Variants in MTMR1 observed in about 807,000 individuals in gnomAD.
The protein encoded by MTMR1 is phosphatidylinositol-3-phosphate phosphatase MTMR1.
MTMR1 carries 17 observed loss-of-function variants against 51.6 expected under a neutral mutation model. The ratio of observed to expected loss-of-function variants is 0.33; its 90% CI spans 0.23 to 0.49. The LOEUF (loss-of-function observed/expected upper bound fraction) is 0.49, where lower values mean the gene tolerates loss of function less well. Ranked by LOEUF, MTMR1 falls within the 20% of genes least tolerant of loss-of-function variation. The probability of loss-of-function intolerance (pLI) is 0.99; values close to 1 mark genes in which losing one functional copy is unlikely to be tolerated. For synonymous variants in MTMR1, 201 were observed against 205.6 expected, an observed-to-expected ratio of 0.98 and a Z score of 0.19; for missense variants, 386 against 526.9, an observed-to-expected ratio of 0.73 and a Z score of 2.62.
chrX:150,739,219 G>A (rs1177762136), intron 12 of MTMR1, among the ~76,000 whole-genome samples: 1 of 112,778 alleles, frequency 8.9e-6, no homozygotes, highest in Non-Finnish European at 1.9e-5. Flanking sequence ...GCAGATCCCT[G>A]GGCATGTGCC....
intron 4 of MTMR1, among the ~76,000 whole-genome samples, chrX:150,722,437 C>T (rs149481225): frequency 1.3e-4 from 14 of 111,928 alleles, no homozygotes; most frequent in African/African-American, 2.9e-4. Context: ...TTCTTACATC[C>T]TCCTGACGAA....
At position 150,763,709 on chromosome X, in the gene MTMR1, G is replaced by T. The variant is rs1190505265; in HGVS notation, c.*980G>T. The T allele has an allele frequency of 8.9e-6, 1 of 111,966 alleles. No homozygotes were observed. Among genetic ancestry groups the T allele is most frequent in the Non-Finnish European group, 1.9e-5 (1 of 53,156 alleles). 9.2% of individuals were successfully genotyped at this position (111,966 alleles called of 1,213,427 possible). A position where few individuals can be genotyped will look rare whatever the true frequency, so the allele number is the denominator to read the frequency against. ...ACAATTCCTTCAACTCAGCTTACTC[G>T]CGTGGCTGCCTGTTCATATTTGAAA... On this transcript the variant is annotated 3_prime_UTR_variant, in exon 16 of 16. Coordinates refer to ENST00000445323, the MANE Select transcript of MTMR1 (RefSeq NM_001306144.3).
Position 150,738,749 on chromosome X carries a change from C to T in MTMR1, c.1473+1301C>T, listed in dbSNP as rs191848103. Among the ~76,000 whole-genome samples, 197 of 111,855 alleles carry T rather than the reference C, an allele frequency of 1.8e-3. 2 individuals carry two copies. Among genetic ancestry groups the T allele is most frequent in the Middle Eastern group, 0.014 (3 of 218 alleles). ...TTCAATGCCCTCATTTGAACTTCATCACCTCTTTAAAGGCCCCATCTCCAA... is the reference window on the plus strand; with the variant it reads ...TTCAATGCCCTCATTTGAACTTCATTACCTCTTTAAAGGCCCCATCTCCAA... On this transcript the variant is annotated intron_variant, in intron 12 of 15. Transcript: ENST00000445323.
chrX:150,757,956 C>T (rs924662796), intron 15 of MTMR1, among the ~76,000 whole-genome samples: 3 of 111,188 alleles, frequency 2.7e-5, no homozygotes, highest in African/African-American at 9.8e-5. Context: ...GATACTGCAC[C>T]GGCCTGTTTG....
chrX:150,699,264 T>C lies in MTMR1; in HGVS notation c.216T>C (p.Gly72=). The stretch of plus-strand genomic sequence containing the variant: ...CTACAATTTCTAGTCAGATTTCAGG[T>C]TCAGTGACATCAGAAAATGTGTCCA... ...IAATISSQIS[G]SVTSENVSRD... The change falls in exon 2 of 16, where the codon GGT becomes GGC. Residue 72 remains glycine (G), a synonymous_variant. Coordinates refer to ENST00000445323, the MANE Select transcript of MTMR1 (RefSeq NM_001306144.3). The C allele has an allele frequency of 1.7e-6, 2 of 1,201,200 alleles. No homozygotes were observed. Among genetic ancestry groups the C allele is most frequent in the Non-Finnish European group, 2.3e-6 (2 of 888,329 alleles).
At chrX:150,755,570 A>C (rs955372061) in intron 14 of MTMR1, 119 bp from the exon 15 acceptor site, 2 of 532,469 alleles carry the variant, frequency 3.8e-6, no homozygotes, top group Non-Finnish European at 2.9e-6. Context: ...CCTAGTAGAC[A>C]TTCATGAATT....
At chrX:150,762,447 T>G (rs1603277825) in intron 15 of MTMR1, 118 bp from the exon 16 acceptor site, 1 of 951,250 alleles carries the variant, frequency 1.1e-6, no homozygotes, top group East Asian at 3.2e-5. Flanking sequence ...CTCAGGAGAC[T>G]TTGGCCGCTC....
Position 150,742,155 on chromosome X carries a change from G to T in MTMR1, c.1474-2206G>T, listed in dbSNP as rs187291686. Among the ~76,000 whole-genome samples, 530 of 112,150 alleles carry T rather than the reference G, an allele frequency of 4.7e-3. 2 individuals are homozygous for T. The highest frequency in any genetic ancestry group is 0.016 in the African/African-American group (502 of 30,860). Reference sequence around the variant, plus strand: ...CATTCTGAGAAATGCATCATTAGGTGATTTTGTAATTGTGTGGACATCATA... The same window carrying T: ...CATTCTGAGAAATGCATCATTAGGTTATTTTGTAATTGTGTGGACATCATA... On this transcript the variant is annotated intron_variant, in intron 12 of 15. Transcript: ENST00000445323.
chrX:150,704,547 A>G (rs782044373), intron 2 of MTMR1, among the ~76,000 whole-genome samples: 1 of 111,854 alleles, frequency 8.9e-6, no homozygotes, highest in Admixed American at 9.4e-5. Context: ...TAGAGGCCGT[A>G]TCAAGGGCAA....
chrX:150,719,221 G>A (rs1056942020), intron 4 of MTMR1, among the ~76,000 whole-genome samples: 3 of 111,328 alleles, frequency 2.7e-5, no homozygotes, highest in Admixed American at 1.9e-4. Flanking sequence ...GGGAGTAGTT[G>A]ATTGTGCCAT....
Position 150,707,234 on chromosome X carries a change from G to GA in MTMR1, c.253-5102dup, listed in dbSNP as rs781972022. Among the ~76,000 whole-genome samples, 4 of 111,725 alleles carry GA rather than the reference G, an allele frequency of 3.6e-5. No individual in the cohort carries two copies. The South Asian group carries it at 1.1e-3, about 31-fold the overall frequency. ...ACACCAAAAGCACAATCCATAAAAG[G>GA]AAAAAATTGATCAAAATTTAAAATC... is the stretch of plus-strand genomic sequence containing the variant. On this transcript the variant is annotated intron_variant, in intron 2 of 15. Coordinates refer to ENST00000445323, the MANE Select transcript of MTMR1 (RefSeq NM_001306144.3).
chrX:150,703,844 A>G (rs1192655897), intron 2 of MTMR1, among the ~76,000 whole-genome samples: 1 of 108,670 alleles, frequency 9.2e-6, no homozygotes, highest in Non-Finnish European at 1.9e-5. Context: ...GCTGTAGAGA[A>G]CTGGAGAGTA....
At chrX:150,718,602 T>TTTG in intron 3 of MTMR1, 23 bp from the exon 4 acceptor site, 1 of 970,814 alleles carries the variant, frequency 1.0e-6, no homozygotes, top group Non-Finnish European at 1.3e-6. Flanking sequence ...TTTTTTTTTT[T>TTTG]TTTTTTTTTT....
intron 2 of MTMR1, among the ~76,000 whole-genome samples, chrX:150,709,102 G>T (rs1392298873): frequency 8.9e-6 from 1 of 112,245 alleles, no homozygotes; most frequent in Non-Finnish European, 1.9e-5. Context: ...TCGAAACTGA[G>T]GCCCAGAATG....
chrX:150,729,900 T>A (rs960199318), intron 6 of MTMR1, among the ~76,000 whole-genome samples: 3 of 111,157 alleles, frequency 2.7e-5, no homozygotes, highest in Non-Finnish European at 5.7e-5. Context: ...GTGCCTGTAA[T>A]CCCAGCTACT....
chrX:150,711,755 A>G (rs1176752811), intron 2 of MTMR1, among the ~76,000 whole-genome samples: 1 of 111,934 alleles, frequency 8.9e-6, no homozygotes, highest in Non-Finnish European at 1.9e-5. Flanking sequence ...CCCTCCTCTC[A>G]GTAGTGGCCA....
chrX:150,731,050 A>G (rs782138841), intron 8 of MTMR1, among the ~76,000 whole-genome samples: 62 of 111,840 alleles, frequency 5.5e-4, no homozygotes, highest in Non-Finnish European at 7.7e-4. Context: ...TATTTTCATG[A>G]CGTTTGTTTC....
intron 15 of MTMR1, among the ~76,000 whole-genome samples, chrX:150,756,430 C>T (rs1468677951): frequency 1.8e-5 from 2 of 111,900 alleles, no homozygotes; most frequent in Non-Finnish European, 1.9e-5. Flanking sequence ...GTCCGCCAAG[C>T]CTGTGTCCTC....
Position 150,762,902 on chromosome X carries a change from G to C in MTMR1, c.*173G>C. ...GGCAACCGTTACCCTCCTGTCAGCG[G>C]TTTCACAGGGGAGCCGTCTGTCACG... On this transcript the variant is annotated 3_prime_UTR_variant, in exon 16 of 16. Transcript: ENST00000445323. The C allele has an allele frequency of 1.9e-6, 1 of 519,800 alleles. No homozygotes were observed. The allele number at this position is 519,800 out of a possible 1,213,427, so 42.8% of individuals were successfully genotyped here.
Sources: gnomAD v4.1 joint callset for allele counts (sites outside exome capture counted in the v4.1 genomes callset) on GRCh38, gnomAD v4.1.1 for gene constraint, MANE v1.5 for transcripts, NCBI Gene and HGNC (gene_info 2026-07-23, HGNC 2026-07-21) for gene names.